Variants in P3H2 observed in about 807,000 individuals in gnomAD.
P3H2 encodes prolyl 3-hydroxylase 2.
Under a neutral mutation model 87.0 loss-of-function variants are expected in P3H2, and 80 were observed. That is an observed-to-expected ratio of 0.92 (90% CI 0.77 to 1.11). The LOEUF (loss-of-function observed/expected upper bound fraction) is 1.11, where lower values mean the gene tolerates loss of function less well. P3H2 is among the 50% of genes least tolerant of loss of function. The probability of loss-of-function intolerance (pLI) is 0.00; values close to 1 mark genes in which losing one functional copy is unlikely to be tolerated. For missense variants in P3H2, 1,001 were observed against 923.9 expected, an observed-to-expected ratio of 1.08 and a Z score of -1.08; for synonymous variants, 367 against 359.3, an observed-to-expected ratio of 1.02 and a Z score of -0.24.
At chr3:190,107,314 A>G (rs56967879) in intron 1 of P3H2, among the ~76,000 whole-genome samples, 17,572 of 152,204 alleles carry the variant, frequency 0.12, 1,108 homozygotes, top group Middle Eastern at 0.21. Context: ...TCTCGATAAA[A>G]TAGGGAGATT....
intron 1 of P3H2, among the ~76,000 whole-genome samples, chr3:190,031,482 C>G (rs943499382): frequency 8.6e-5 from 13 of 151,848 alleles, no homozygotes; most frequent in African/African-American, 1.9e-4. Flanking sequence ...ACTAAAAATA[C>G]AAGAACTAGC....
At chr3:190,031,733 CAG>C (rs748094630) in intron 1 of P3H2, among the ~76,000 whole-genome samples, 1 of 91,898 alleles carries the variant, frequency 1.1e-5, no homozygotes, top group Non-Finnish European at 2.1e-5. Context: ...TAGATACAAT[CAG>C]ATAAATTTGC....
At chr3:190,002,246 T>A (rs1724238987) in intron 1 of P3H2, among the ~76,000 whole-genome samples, 2 of 152,140 alleles carry the variant, frequency 1.3e-5, no homozygotes, top group South Asian at 4.1e-4. Context: ...TTATATCTCC[T>A]GACAAATTTA....
chr3:190,118,696 T>C (rs76515555), intron 1 of P3H2, among the ~76,000 whole-genome samples: 1,615 of 152,178 alleles, frequency 0.011, 25 homozygotes, highest in African/African-American at 0.038. Flanking sequence ...CCACCAACAG[T>C]TGCCAATCTG....
At chr3:189,963,223 T>C (rs1169443573) in intron 14 of P3H2, among the ~76,000 whole-genome samples, 1 of 152,190 alleles carries the variant, frequency 6.6e-6, no homozygotes, top group Non-Finnish European at 1.5e-5. Context: ...GATCATGGTC[T>C]CCTCCTAGCT....
At chr3:190,114,330 C>T (rs1434289806) in intron 1 of P3H2, among the ~76,000 whole-genome samples, 4 of 150,698 alleles carry the variant, frequency 2.7e-5, no homozygotes, top group African/African-American at 9.8e-5. Context: ...ACTACAGGCG[C>T]CTGCCACCAC....
At chr3:189,995,463 C>A (rs771098500) in intron 1 of P3H2, 21 bp from the exon 2 acceptor site, 2 of 1,609,806 alleles carry the variant, frequency 1.2e-6, no homozygotes, top group South Asian at 1.1e-5. Context: ...AAAAAAATGA[C>A]CAAAATGAAG....
At chr3:190,117,584 A>C (rs993829320) in intron 1 of P3H2, among the ~76,000 whole-genome samples, 4 of 152,046 alleles carry the variant, frequency 2.6e-5, no homozygotes, top group African/African-American at 9.7e-5. Flanking sequence ...AACATCAGGG[A>C]ATCAATGCCC....
chr3:189,973,592 C>T (rs547640481), intron 10 of P3H2, among the ~76,000 whole-genome samples: 11 of 143,640 alleles, frequency 7.7e-5, no homozygotes, highest in African/African-American at 2.1e-4. Flanking sequence ...GGCGCGATCT[C>T]GGCTCACCGC....
In P3H2 at chr3:189,974,510, T is replaced by C. The variant is rs1723283223; in HGVS notation, c.1452+48A>G. 3 of 1,611,710 alleles carry C rather than the reference T, an allele frequency of 1.9e-6. No individual in the cohort carries two copies. The South Asian group carries it at 3.3e-5, about 18-fold the overall frequency. ...GACCAGGACCAAAGCAGTTCCAGCT[T>C]CTTGGCAGGCCAGCGCAGTGAGCTC... On this transcript the variant is annotated intron_variant, in intron 9 of 14. Coordinates refer to ENST00000319332, the MANE Select transcript of P3H2 (RefSeq NM_018192.4).
At chr3:190,004,355 A>C (rs1724311987) in intron 1 of P3H2, among the ~76,000 whole-genome samples, 1 of 152,182 alleles carries the variant, frequency 6.6e-6, no homozygotes, top group Non-Finnish European at 1.5e-5. Flanking sequence ...ATTATTGACA[A>C]GGGTACGTTA....
intron 1 of P3H2, among the ~76,000 whole-genome samples, chr3:190,104,205 C>T (rs1179481555): frequency 6.6e-6 from 1 of 152,144 alleles, no homozygotes; most frequent in Non-Finnish European, 1.5e-5. Flanking sequence ...ATTTAGAAAG[C>T]ATGCTCTCTC....
rs111762837 is a variant in P3H2, at chr3:190,057,769, T to C, written c.481-62327A>G. On this transcript the variant is annotated intron_variant, in intron 1 of 14. Transcript: ENST00000319332. Reference sequence around the variant, plus strand: ...CCCAAACTTTGGCTACTAAGAGCATTTTTCCATCGAAACATGGGAGTGAAA... The same window carrying C: ...CCCAAACTTTGGCTACTAAGAGCATCTTTCCATCGAAACATGGGAGTGAAA... 3.0e-3 allele frequency among the ~76,000 whole-genome samples: 451 copies of C among 152,266 alleles called. 3 individuals are homozygous for C. The highest frequency in any genetic ancestry group is 0.01 in the African/African-American group (426 of 41,542).
At chr3:190,011,043 A>G (rs1455860564) in intron 1 of P3H2, among the ~76,000 whole-genome samples, 2 of 152,206 alleles carry the variant, frequency 1.3e-5, no homozygotes, top group African/African-American at 4.8e-5. Flanking sequence ...AGGCCAAAGC[A>G]GGCAGATCAG....
intron 1 of P3H2, among the ~76,000 whole-genome samples, chr3:190,024,659 C>A (rs951347770): frequency 1.1e-4 from 17 of 151,936 alleles, no homozygotes; most frequent in African/African-American, 3.6e-4. Flanking sequence ...GTGTCTGATG[C>A]CTTCTGTCTG....
chr3:190,022,449 C>T (rs1724950728), intron 1 of P3H2, among the ~76,000 whole-genome samples: 1 of 135,178 alleles, frequency 7.4e-6, no homozygotes, highest in Non-Finnish European at 1.7e-5. Context: ...TTCCATAAGA[C>T]CTTTGTTTCT....
At chr3:190,027,337 T>C (rs1725113969) in intron 1 of P3H2, among the ~76,000 whole-genome samples, 1 of 152,214 alleles carries the variant, frequency 6.6e-6, no homozygotes, top group Non-Finnish European at 1.5e-5. Context: ...CTCTGTGTTC[T>C]ATCCACAAGG....
At chr3:190,047,592 T>C (rs1035709974) in intron 1 of P3H2, among the ~76,000 whole-genome samples, 1 of 152,206 alleles carries the variant, frequency 6.6e-6, no homozygotes, top group Non-Finnish European at 1.5e-5. Context: ...TGTGTATATA[T>C]ACACCATGTT....
intron 1 of P3H2, among the ~76,000 whole-genome samples, chr3:190,104,990 A>G (rs1334919116): frequency 1.3e-5 from 2 of 152,252 alleles, no homozygotes; most frequent in Non-Finnish European, 2.9e-5. Flanking sequence ...CTAGAATTCA[A>G]AAGGAAGCTA....
Sources: gnomAD v4.1 joint callset for allele counts (sites outside exome capture counted in the v4.1 genomes callset) on GRCh38, gnomAD v4.1.1 for gene constraint, MANE v1.5 for transcripts, NCBI Gene and HGNC (gene_info 2026-07-23, HGNC 2026-07-21) for gene names.